ADGRL3: variants seen among roughly 807,000 people sequenced by gnomAD.
The protein encoded by ADGRL3 is adhesion G protein-coupled receptor L3, also known as calcium-independent alpha-latrotoxin receptor 3.
In ADGRL3, 62 loss-of-function variants were observed where a neutral mutation model predicts 153.5. That is an observed-to-expected ratio of 0.40 (90% CI 0.33 to 0.50). The LOEUF (loss-of-function observed/expected upper bound fraction) is 0.50. Ranked by LOEUF, ADGRL3 falls within the 20% of genes least tolerant of loss-of-function variation. The probability of loss-of-function intolerance (pLI) is 0.47; values close to 1 mark genes in which losing one functional copy is unlikely to be tolerated. For synonymous variants in ADGRL3, 710 were observed against 672.5 expected, an observed-to-expected ratio of 1.06 and a Z score of -0.86; for missense variants, 1,641 against 1,859.4, an observed-to-expected ratio of 0.88 and a Z score of 2.16.
chr4:61,242,903 T>G (rs1412425299), intron 1 of ADGRL3, among the ~76,000 whole-genome samples: 3 of 152,128 alleles, frequency 2.0e-5, no homozygotes, highest in Non-Finnish European at 4.4e-5. Context: ...GAACAGTTGT[T>G]TTATGCAAGG....
At chr4:61,742,051 T>G (rs1157635399) in intron 8 of ADGRL3, among the ~76,000 whole-genome samples, 3 of 152,168 alleles carry the variant, frequency 2.0e-5, no homozygotes, top group Non-Finnish European at 4.4e-5. Flanking sequence ...GGAACTGGAA[T>G]AGTGTTGTTG....
At chr4:61,681,692 C>T (rs2095339486) in intron 6 of ADGRL3, among the ~76,000 whole-genome samples, 1 of 151,922 alleles carries the variant, frequency 6.6e-6, no homozygotes, top group South Asian at 2.1e-4. Flanking sequence ...AAATGTATTA[C>T]ACGTTTAGCA....
chr4:61,423,134 G>A (rs1307918176), intron 2 of ADGRL3, among the ~76,000 whole-genome samples: 1 of 152,116 alleles, frequency 6.6e-6, no homozygotes, highest in African/African-American at 2.4e-5. Flanking sequence ...ATCTGAGTTA[G>A]TTTCTCTCCA....
chr4:61,249,714 C>T lies in ADGRL3; in HGVS notation c.-240+47949C>T, dbSNP rs138001836. On this transcript the variant is annotated intron_variant, in intron 1 of 26. Coordinates refer to ENST00000683033, the MANE Select transcript of ADGRL3 (RefSeq NM_001387552.1). ...CGTAGTCTTTTAACTGAGTGTATTG[C>T]CCCATAAATAAAATTGAAAAGGAGA... Among the ~76,000 whole-genome samples the T allele has an allele frequency of 5.3e-3, 814 of 152,230 alleles. 6 individuals are homozygous for T. Among genetic ancestry groups the T allele is most frequent in the African/African-American group, 0.019 (787 of 41,554 alleles).
intron 2 of ADGRL3, among the ~76,000 whole-genome samples, chr4:61,486,045 G>T (rs916592072): frequency 6.6e-6 from 1 of 151,960 alleles, no homozygotes; most frequent in African/African-American, 2.4e-5. Flanking sequence ...CCAGGTTCAC[G>T]CCATTCTCCT....
At chr4:61,240,218 C>G (rs1020483) in intron 1 of ADGRL3, among the ~76,000 whole-genome samples, 1 of 151,716 alleles carries the variant, frequency 6.6e-6, no homozygotes, top group South Asian at 2.1e-4. Context: ...AGTGGAAGGG[C>G]AAAAAGGGGC....
intron 5 of ADGRL3, among the ~76,000 whole-genome samples, chr4:61,639,860 A>G (rs180705870): frequency 2.9e-4 from 44 of 152,292 alleles, no homozygotes; most frequent in African/African-American, 1.0e-3. Context: ...TGAATTTAGT[A>G]TCTAGATTTC....
At chr4:61,374,518 C>T (rs2096580518) in intron 1 of ADGRL3, among the ~76,000 whole-genome samples, 1 of 151,972 alleles carries the variant, frequency 6.6e-6, no homozygotes, top group South Asian at 2.1e-4. Context: ...TACTGTGGAA[C>T]ATGAAGCACA....
chr4:61,596,519 A>T (rs2098989703), intron 5 of ADGRL3, among the ~76,000 whole-genome samples: 1 of 152,164 alleles, frequency 6.6e-6, no homozygotes, highest in Non-Finnish European at 1.5e-5. Flanking sequence ...GCCAGAGCTC[A>T]ACTTACACTG....
In ADGRL3 at chr4:62,071,073, T is replaced by G. The variant is rs1231744572; in HGVS notation, c.*165T>G. The G allele has an allele frequency of 1.6e-6, 1 of 621,104 alleles. No homozygotes were observed. Among genetic ancestry groups the G allele is most frequent in the East Asian group, 2.8e-5 (1 of 35,800 alleles). 38.5% of individuals were successfully genotyped at this position (621,104 alleles called of 1,614,324 possible). ...TTTTTTTTTTAATGGGATTTTTAGG[T>G]CAGCCCAGGGGAGAAAGATAACTGC... On this transcript the variant is annotated 3_prime_UTR_variant, in exon 27 of 27. Coordinates refer to ENST00000683033, the MANE Select transcript of ADGRL3 (RefSeq NM_001387552.1).
chr4:61,993,155 G>T (rs1489370842), intron 19 of ADGRL3, among the ~76,000 whole-genome samples: 1 of 125,554 alleles, frequency 8.0e-6, no homozygotes, highest in African/African-American at 2.9e-5. Flanking sequence ...CAGCATTCAT[G>T]GGCTGCAGTT....
At chr4:61,951,387 G>C (rs1229416972) in intron 17 of ADGRL3, among the ~76,000 whole-genome samples, 1 of 152,184 alleles carries the variant, frequency 6.6e-6, no homozygotes, top group East Asian at 1.9e-4. Flanking sequence ...AGGAGGCTCA[G>C]GGTTGGGGGC....
intron 2 of ADGRL3, among the ~76,000 whole-genome samples, chr4:61,416,176 T>C (rs1424824147): frequency 6.6e-6 from 1 of 152,114 alleles, no homozygotes; most frequent in African/African-American, 2.4e-5. Context: ...ATGACATTGT[T>C]AATTTGAAAT....
chr4:62,014,851 T>G (rs912873785), intron 21 of ADGRL3, among the ~76,000 whole-genome samples: 1 of 152,180 alleles, frequency 6.6e-6, no homozygotes, highest in African/African-American at 2.4e-5. Flanking sequence ...ATACTCCAGG[T>G]GCTTATCAGT....
At chr4:61,438,899 G>T (rs376491837) in intron 2 of ADGRL3, among the ~76,000 whole-genome samples, 2 of 151,748 alleles carry the variant, frequency 1.3e-5, no homozygotes, top group African/African-American at 4.8e-5. Context: ...AGTAGAGACG[G>T]GGTTTCACCA....
chr4:61,715,114 C>T (rs1347709130), intron 6 of ADGRL3, among the ~76,000 whole-genome samples: 2 of 152,118 alleles, frequency 1.3e-5, no homozygotes, highest in African/African-American at 4.8e-5. Context: ...TATCTACCTT[C>T]TTAAAGAGCA....
intron 23 of ADGRL3, among the ~76,000 whole-genome samples, chr4:62,036,942 GT>G (rs1725328786): frequency 6.6e-6 from 1 of 151,946 alleles, no homozygotes; most frequent in Non-Finnish European, 1.5e-5. Flanking sequence ...TTTACCAAAA[GT>G]TGATATATTT....
chr4:61,747,181 AC>A (rs2096675249), intron 8 of ADGRL3, among the ~76,000 whole-genome samples: 1 of 151,972 alleles, frequency 6.6e-6, no homozygotes, highest in South Asian at 2.1e-4. Context: ...CTCTGAATAG[AC>A]CAATAACAGG....
chr4:61,230,663 G>A (rs188365362), intron 1 of ADGRL3, among the ~76,000 whole-genome samples: 3 of 152,266 alleles, frequency 2.0e-5, no homozygotes, highest in East Asian at 3.9e-4. Context: ...GGAATTACAA[G>A]TGTGAGCCAC....
Sources: allele counts gnomAD v4.1 joint callset (sites outside exome capture counted in the v4.1 genomes callset), GRCh38; gene constraint gnomAD v4.1.1; transcripts MANE v1.5; gene names NCBI Gene and HGNC (gene_info 2026-07-23, HGNC 2026-07-21).